The following PWWP2A variants were observed in gnomAD, a reference collection of about 807,000 sequenced individuals.
The protein encoded by PWWP2A is PWWP domain containing 2A.
In PWWP2A, 18 loss-of-function variants were observed where a neutral mutation model predicts 48.5. The ratio of observed to expected loss-of-function variants is 0.37; its 90% CI spans 0.26 to 0.55. The LOEUF (loss-of-function observed/expected upper bound fraction) is 0.55. PWWP2A is among the 20% of genes least tolerant of loss of function. PWWP2A has a pLI of 0.81. For missense variants in PWWP2A, 867 were observed against 976.4 expected, an observed-to-expected ratio of 0.89 and a Z score of 1.49; for synonymous variants, 396 against 387.7, an observed-to-expected ratio of 1.02 and a Z score of -0.25.
rs1027366028 is a variant in PWWP2A, at chr5:160,091,691, G to A, written c.*691C>T. On this transcript the variant is annotated 3_prime_UTR_variant, in exon 2 of 2. Transcript: ENST00000307063. ...AGTATTTATTAAATCCCCACTGGACGAAAGACAGTGATGACTAACACCTAT... is the reference window on the plus strand; with the variant it reads ...AGTATTTATTAAATCCCCACTGGACAAAAGACAGTGATGACTAACACCTAT... The A allele has an allele frequency of 3.8e-5, 37 of 984,972 alleles. No individual in the cohort carries two copies. Among genetic ancestry groups the A allele is most frequent in the South Asian group, 2.3e-4 (5 of 21,280 alleles). 61.0% of individuals were successfully genotyped at this position (984,972 alleles called of 1,614,324 possible).
the PWWP2A span, among the ~76,000 whole-genome samples, chr5:160,046,567 A>C: frequency 6.6e-6 from 1 of 152,142 alleles, no homozygotes; most frequent in African/African-American, 2.4e-5. Flanking sequence ...AAATTAGCAC[A>C]ATGTAGCCAT....
At chr5:160,107,856 C>T (rs76698332) in intron 1 of PWWP2A, among the ~76,000 whole-genome samples, 6,034 of 152,144 alleles carry the variant, frequency 0.04, 143 homozygotes, top group East Asian at 0.1. Context: ...CAAAAATTAG[C>T]CGGATATGGT....
chr5:160,111,383 G>C (rs1031049061), intron 1 of PWWP2A, among the ~76,000 whole-genome samples: 6 of 152,056 alleles, frequency 3.9e-5, no homozygotes, highest in Non-Finnish European at 8.8e-5. Flanking sequence ...GGTCAGGCTG[G>C]TCTTGAACTC....
At chr5:160,096,437 G>T (rs889460893) in intron 1 of PWWP2A, among the ~76,000 whole-genome samples, 2 of 152,134 alleles carry the variant, frequency 1.3e-5, no homozygotes, top group African/African-American at 4.8e-5. Flanking sequence ...TTTTTCAAAA[G>T]ATGACAGGAC....
chr5:160,048,275 C>A, the PWWP2A span, among the ~76,000 whole-genome samples: 335 of 151,642 alleles, frequency 2.2e-3, 2 homozygotes, highest in African/African-American at 7.6e-3. Flanking sequence ...CCTAAACCAC[C>A]CAAATAGCTG....
At chr5:160,091,167 C>G, downstream of PWWP2A, 1 of 973,626 alleles carries the variant, frequency 1.0e-6, no homozygotes, top group Non-Finnish European at 1.2e-6. Context: ...TGAGAATATA[C>G]TGATTCATCT....
At chr5:160,064,360 C>G (rs779372648) in intron 4 of PWWP2A, among the ~76,000 whole-genome samples, 1 of 152,176 alleles carries the variant, frequency 6.6e-6, no homozygotes, top group African/African-American at 2.4e-5. Context: ...CTGTGCAAAT[C>G]AAGATGATCC....
Position 160,091,450 on chromosome 5 carries a change from C to A in PWWP2A, c.*932G>T. On this transcript the variant is annotated 3_prime_UTR_variant, in exon 2 of 2. Coordinates refer to ENST00000307063, the MANE Select transcript of PWWP2A (RefSeq NM_001130864.2). ...TCATTTTCTGACCTGCAAACAGATA[C>A]CTTAAACGGAAATTATTTTGTTTTA... The A allele has an allele frequency of 2.1e-6, 2 of 975,168 alleles. No homozygotes were observed. The highest frequency in any genetic ancestry group is 2.4e-6 in the Non-Finnish European group (2 of 824,652). 60.4% of individuals were successfully genotyped at this position (975,168 alleles called of 1,614,324 possible). A position where few individuals can be genotyped will look rare whatever the true frequency, so the allele number is the denominator to read the frequency against.
downstream of PWWP2A, among the ~76,000 whole-genome samples, chr5:160,073,314 T>C (rs952407240): frequency 3.3e-5 from 5 of 151,656 alleles, no homozygotes; most frequent in Admixed American, 1.3e-4. Flanking sequence ...CTGCAAGCTC[T>C]GCCTCCCGGG....
chr5:160,045,709 G>A, the PWWP2A span, among the ~76,000 whole-genome samples: 1 of 151,788 alleles, frequency 6.6e-6, no homozygotes, highest in Non-Finnish European at 1.5e-5. Flanking sequence ...ACAGGTGCAC[G>A]CCACCACACC....
the PWWP2A span, chr5:160,049,693 C>T: frequency 1.3e-6 from 2 of 1,489,024 alleles, no homozygotes; most frequent in Non-Finnish European, 1.8e-6. Flanking sequence ...AATATTTTTC[C>T]TTCTATTCTT....
chr5:160,065,163 C>T lies in PWWP2A; in HGVS notation c.*236+1385G>A, dbSNP rs901420498. ...GCCAATGTTTAACTTTTAAAAGCAT[C>T]TTATCTAAAAGAAAGGCTATCCAGT... On this transcript the variant is annotated intron_variant and NMD_transcript_variant, in intron 4 of 5. Transcript: ENST00000524050. 2.0e-6 allele frequency: 3 copies of T among 1,512,150 alleles called. No individual in the cohort carries two copies. In the Middle Eastern group the frequency reaches 5.2e-4, roughly 265 times the overall value. The allele number at this position is 1,512,150 out of a possible 1,614,324, so 93.7% of individuals were successfully genotyped here. A position where few individuals can be genotyped will look rare whatever the true frequency, so the allele number is the denominator to read the frequency against.
At chr5:160,067,081 A>G (rs931170591) in intron 2 of PWWP2A, among the ~76,000 whole-genome samples, 2 of 152,052 alleles carry the variant, frequency 1.3e-5, no homozygotes, top group Non-Finnish European at 2.9e-5. Context: ...TTATGGAAAA[A>G]TCTTCCAACT....
At chr5:160,062,343 G>T (rs1367035176) in intron 5 of PWWP2A, among the ~76,000 whole-genome samples, 1 of 152,176 alleles carries the variant, frequency 6.6e-6, no homozygotes, top group Non-Finnish European at 1.5e-5. Context: ...GCCTGAGGAA[G>T]CTGCCATCTC....
chr5:160,062,646 G>C (rs921731006), intron 5 of PWWP2A, among the ~76,000 whole-genome samples: 2 of 152,112 alleles, frequency 1.3e-5, no homozygotes, highest in Non-Finnish European at 2.9e-5. Context: ...AATGGCCCTG[G>C]GCTCAGTGGA....
chr5:160,079,476 A>AT lies in PWWP2A; in HGVS notation c.1669+1174dup, dbSNP rs568224399. On this transcript the variant is annotated intron_variant, in intron 3 of 3. Transcript: ENST00000456329. ...GATTTACACTGTTTTAAAATTTGAC[A>AT]TTGAGCTCAGTTTTTACTTTCTAAA... 1.4e-3 allele frequency among the ~76,000 whole-genome samples: 214 copies of AT among 152,250 alleles called. 2 individuals are homozygous for AT. The highest frequency in any genetic ancestry group is 4.9e-3 in the African/African-American group (203 of 41,550).
chr5:160,044,417 G>T, the PWWP2A span, among the ~76,000 whole-genome samples: 9 of 152,232 alleles, frequency 5.9e-5, no homozygotes, highest in African/African-American at 1.9e-4. Context: ...TATACTTACA[G>T]TTATTTCTCA....
At chr5:160,083,364 A>T (rs889281481) in intron 2 of PWWP2A, among the ~76,000 whole-genome samples, 8 of 152,332 alleles carry the variant, frequency 5.3e-5, no homozygotes, top group African/African-American at 1.9e-4. Flanking sequence ...TGGCCAAACC[A>T]CACACAGTTC....
chr5:160,047,166 A>G, the PWWP2A span, among the ~76,000 whole-genome samples: 1 of 152,088 alleles, frequency 6.6e-6, no homozygotes, highest in Non-Finnish European at 1.5e-5. Context: ...TCTGACTTCT[A>G]CCCTGTAGTC....
Sources: allele counts gnomAD v4.1 joint callset (sites outside exome capture counted in the v4.1 genomes callset), GRCh38; gene constraint gnomAD v4.1.1; transcripts MANE v1.5; gene names NCBI Gene and HGNC (gene_info 2026-07-23, HGNC 2026-07-21).